SMARCA2: variants seen among roughly 807,000 people sequenced by gnomAD.
The protein encoded by SMARCA2 is SWI/SNF related BAF chromatin remodeling complex subunit ATPase 2.
In SMARCA2, 61 loss-of-function variants were observed where a neutral mutation model predicts 199.8. The observed-to-expected ratio is 0.31, with a 90% confidence interval of 0.25 to 0.38. SMARCA2 has a LOEUF of 0.38. Among genes scored for constraint, SMARCA2 ranks in the 10% least tolerant of loss-of-function variants. SMARCA2 has a pLI of 1.00. For synonymous variants in SMARCA2, 935 were observed against 732.0 expected, an observed-to-expected ratio of 1.28 and a Z score of -4.48; for missense variants, 1,344 against 2,012.2, an observed-to-expected ratio of 0.67 and a Z score of 6.35.
chr9:2,182,145 G>T lies in SMARCA2; in HGVS notation c.4364G>T (p.Arg1455Met), dbSNP rs1057519094. 1 of 1,599,288 alleles carries T rather than the reference G, an allele frequency of 6.3e-7. No homozygotes were observed. Among genetic ancestry groups the T allele is most frequent in the Non-Finnish European group, 8.6e-7 (1 of 1,167,638 alleles). The change falls in exon 31 of 34, where the codon AGG (arginine) becomes ATG (methionine). Residue 1455 changes from arginine (R) to methionine (M), a missense_variant. Physicochemically the swap from Arg to Met is moderately conservative, Grantham distance 91 (BLOSUM62 -1). Coordinates refer to ENST00000349721, the MANE Select transcript of SMARCA2 (RefSeq NM_003070.5). ...TTTCTCCAAAATTTCCATCAGGAAA[G>T]GATTCGTAATCATAAGTACCGGAGC... ...KPVDFKKIKE[R>M]IRNHKYRSLG...
At chr9:2,189,106 A>G (rs1454429843) in intron 32 of SMARCA2, among the ~76,000 whole-genome samples, 1 of 152,250 alleles carries the variant, frequency 6.6e-6, no homozygotes, top group Admixed American at 6.5e-5. Context: ...GGGTCAGACA[A>G]TTAACAGTCT....
At chr9:2,089,750 A>G (rs910596387) in intron 19 of SMARCA2, among the ~76,000 whole-genome samples, 3 of 152,194 alleles carry the variant, frequency 2.0e-5, no homozygotes, top group Admixed American at 2.0e-4. Flanking sequence ...CTTTCTGTTC[A>G]AGATGGAGTT....
chr9:2,184,849 C>CCTCT lies in SMARCA2; in HGVS notation c.4462-1237_4462-1234dup, dbSNP rs57873443. Among the ~76,000 whole-genome samples, 576 of 151,152 alleles carry CCTCT rather than the reference C, an allele frequency of 3.8e-3. 4 individuals are homozygous for CCTCT. The highest frequency in any genetic ancestry group is 0.013 in the African/African-American group (544 of 41,112). ...GAAAATTCTGCCCTGATGGTCCCAT[C>CCTCT]CTCTCTCTCTCTCGCGCGGGTCCTT... On this transcript the variant is annotated intron_variant, in intron 31 of 33. Transcript: ENST00000349721.
Position 2,150,543 on chromosome 9 carries a change from A to T in SMARCA2, c.3982-11143A>T, listed in dbSNP as rs936506899. On this transcript the variant is annotated intron_variant, in intron 27 of 33. Transcript: ENST00000349721. ...TAGATTATAGGATGGCAGGAAAGAT[A>T]AAGCCTGCCATCGTTTACTCCGAGG... 2.6e-5 allele frequency among the ~76,000 whole-genome samples: 4 copies of T among 151,646 alleles called. 1 individual carries two copies. Among genetic ancestry groups the T allele is most frequent in the African/African-American group, 9.7e-5 (4 of 41,380 alleles).
chr9:2,049,530 T>G (rs1563732113), intron 5 of SMARCA2, among the ~76,000 whole-genome samples: 3 of 152,236 alleles, frequency 2.0e-5, no homozygotes. Flanking sequence ...CCTACTCTTT[T>G]GTAAAGCCAT....
chr9:2,035,108 C>T (rs1470982232), intron 3 of SMARCA2, among the ~76,000 whole-genome samples: 2 of 151,928 alleles, frequency 1.3e-5, no homozygotes, highest in Non-Finnish European at 2.9e-5. Flanking sequence ...GTGGCATGAT[C>T]TCAGCTCACT....
At chr9:2,094,809 G>C (rs1242719285) in intron 19 of SMARCA2, among the ~76,000 whole-genome samples, 8 of 152,104 alleles carry the variant, frequency 5.3e-5, no homozygotes, top group Non-Finnish European at 8.8e-5. Flanking sequence ...TTTTTCTGTG[G>C]AAAGAGCCCA....
Position 2,039,642 on chromosome 9 carries a change from C to T in SMARCA2, c.532C>T (p.Gln178Ter). The change falls in exon 4 of 34, where the codon CAG becomes TAG. Residue 178 changes from glutamine to a stop codon, truncating the protein, a stop_gained. Transcript: ENST00000349721. LOFTEE classifies it high-confidence loss of function. This position sits in a 1 kb window ranked among gnomAD's most constrained non-coding sequence, Gnocchi z 4.8. ...AGGTCCCTCACCTTTCAGTCCTGTC[C>T]AGCTGCATCAGCTTCGAGCTCAGAT... ...NRGPSPFSPV[Q>*]LHQLRAQILA... The T allele has an allele frequency of 6.2e-7, 1 of 1,614,208 alleles. No homozygotes were observed. Among genetic ancestry groups the T allele is most frequent in the Non-Finnish European group, 8.5e-7 (1 of 1,180,044 alleles).
intron 14 of SMARCA2, 74 bp from the exon 15 acceptor site, chr9:2,081,758 C>T: frequency 7.2e-7 from 1 of 1,391,066 alleles, no homozygotes; most frequent in Middle Eastern, 1.8e-4. Flanking sequence ...GAAGTCACAC[C>T]CTCACTTGGG....
At position 2,047,347 on chromosome 9, in the gene SMARCA2, C is replaced by A; in HGVS notation, c.909C>A (p.Pro303=). 1.4e-6 allele frequency: 2 copies of A among 1,426,116 alleles called. No homozygotes were observed. The highest frequency in any genetic ancestry group is 1.9e-6 in the Non-Finnish European group (2 of 1,079,806). The allele number at this position is 1,426,116 out of a possible 1,614,324, so 88.3% of individuals were successfully genotyped here. Residue 303 remains proline (P), a synonymous_variant, in exon 5 of 34, where the codon CCC becomes CCA. Transcript: ENST00000349721. ...CGCAGCCGCCCGCGGCCGCAGTGCC[C>A]GGGCCCTCAGTGCCGCAGCCGGCCC... ...AAAQPPAAAV[P]GPSVPQPAPG...
chr9:2,192,817 C>A lies in SMARCA2; in HGVS notation c.*78C>A. The A allele has an allele frequency of 2.9e-6, 3 of 1,020,102 alleles. No homozygotes were observed. Among genetic ancestry groups the A allele is most frequent in the Non-Finnish European group, 4.7e-6 (3 of 643,254 alleles). 63.2% of individuals were successfully genotyped at this position (1,020,102 alleles called of 1,614,324 possible). The stretch of plus-strand genomic sequence containing the variant: ...ATTTCTACCCAGTGAGTTCATTTGT[C>A]ATATAGGCACTGGGTTGTTTCTATA... On this transcript the variant is annotated 3_prime_UTR_variant, in exon 34 of 34. Transcript: ENST00000349721.
At chr9:2,178,380 G>A (rs1826774576) in intron 29 of SMARCA2, among the ~76,000 whole-genome samples, 1 of 152,116 alleles carries the variant, frequency 6.6e-6, no homozygotes, top group African/African-American at 2.4e-5. Flanking sequence ...TCTTGGGGAG[G>A]GGGTCTCATT....
At chr9:2,163,013 C>A (rs993631066) in intron 28 of SMARCA2, 2 of 152,202 alleles carry the variant, frequency 1.3e-5, no homozygotes, top group African/African-American at 4.8e-5. Flanking sequence ...AAGTGTTTAA[C>A]ATGAATAACT....
At chr9:2,120,332 G>A (rs746250319) in intron 26 of SMARCA2, among the ~76,000 whole-genome samples, 1 of 152,168 alleles carries the variant, frequency 6.6e-6, no homozygotes, top group Non-Finnish European at 1.5e-5. Flanking sequence ...AAGCAAGTGG[G>A]CAGAGGTAGG....
rs573168008 is a variant in SMARCA2 at position 2,147,331 on chromosome 9, T to TCAGA, written c.3982-14354_3982-14351dup. The stretch of plus-strand genomic sequence containing the variant: ...GAAGAGCAGATGCCTTCTTAAATAA[T>TCAGA]CAGAACCAGTGGTGCATTGGTCAAC... On this transcript the variant is annotated intron_variant, in intron 27 of 33. Coordinates refer to ENST00000349721, the MANE Select transcript of SMARCA2 (RefSeq NM_003070.5). Among the ~76,000 whole-genome samples the TCAGA allele has an allele frequency of 4.3e-4, 65 of 150,636 alleles. 1 individual carries two copies. The South Asian group carries it at 0.013, about 31-fold the overall frequency.
intron 2 of SMARCA2, chr9:2,032,436 C>G (rs926480774): frequency 1.3e-5 from 2 of 152,574 alleles, no homozygotes; most frequent in African/African-American, 4.8e-5. Flanking sequence ...CAGTATTCAC[C>G]CCCCATTCAC....
rs1818420645 is a variant in SMARCA2 at position 2,017,693 on chromosome 9, T to C, written c.-37+2289T>C. On this transcript the variant is annotated intron_variant, in intron 1 of 33. Coordinates refer to ENST00000349721, the MANE Select transcript of SMARCA2 (RefSeq NM_003070.5). The surrounding 1 kb of genome is among the most constrained non-coding windows in gnomAD (Gnocchi z 8.8). ...GCGGCGGGGGCCGGGCCGCGGGCTG[T>C]GGCGCGGGCCTAGAGCCGCGGCTCG... 6.6e-6 allele frequency: 1 copy of C among 151,982 alleles called. No individual in the cohort carries two copies. The highest frequency in any genetic ancestry group is 6.6e-5 in the Admixed American group (1 of 15,260). The allele number at this position is 151,982 out of a possible 1,614,324, so 9.4% of individuals were successfully genotyped here. A position where few individuals can be genotyped will look rare whatever the true frequency, so the allele number is the denominator to read the frequency against.
At chr9:2,175,869 G>GTTTT (rs542493209) in intron 29 of SMARCA2, among the ~76,000 whole-genome samples, 4 of 150,132 alleles carry the variant, frequency 2.7e-5, no homozygotes, top group South Asian at 2.1e-4. Flanking sequence ...GTTTTTTTGG[G>GTTTT]TTTTTTTTGT....
At chr9:2,159,747 A>G (rs1383055235) in intron 27 of SMARCA2, 5 of 1,540,104 alleles carry the variant, frequency 3.2e-6, no homozygotes, top group African/African-American at 1.4e-5. Context: ...TTAAATTTTC[A>G]GTAAAATAAA....
Sources: gnomAD v4.1 joint callset for allele counts (sites outside exome capture counted in the v4.1 genomes callset) on GRCh38, gnomAD v4.1.1 for gene constraint, Gnocchi (gnomAD v3.1) non-coding constraint, MANE v1.5 for transcripts, NCBI Gene and HGNC (gene_info 2026-07-23, HGNC 2026-07-21) for gene names.